The following GNAO1 variants were observed in gnomAD, a reference collection of about 807,000 sequenced individuals.
GNAO1 encodes the protein guanine nucleotide-binding protein G(o) subunit alpha.
For missense variants in GNAO1, 166 were observed against 478.7 expected (o/e 0.35, Z 6.10); for synonymous variants, 164 against 180.7 (o/e 0.91, Z 0.74).
chr16:56,299,736 C>A (rs1301625301), intron 3 of GNAO1, among the ~76,000 whole-genome samples: 1 of 152,168 alleles, frequency 6.6e-6, no homozygotes, highest in Non-Finnish European at 1.5e-5. Flanking sequence ...GGGGAACTAG[C>A]AGAGTAGCCA....
intron 4 of GNAO1, among the ~76,000 whole-genome samples, chr16:56,332,063 C>A (rs1295999487): frequency 2.6e-5 from 4 of 152,230 alleles, no homozygotes; most frequent in African/African-American, 9.6e-5. Flanking sequence ...ACACCCTCCA[C>A]AGCCACCCCC....
At chr16:56,268,839 T>C (rs1447591082) in intron 2 of GNAO1, among the ~76,000 whole-genome samples, 3 of 152,192 alleles carry the variant, frequency 2.0e-5, no homozygotes, top group African/African-American at 7.2e-5. Context: ...CAGATCCTGG[T>C]CTCGTAGGTT....
At chr16:56,229,089 G>T (rs2036562462) in intron 2 of GNAO1, among the ~76,000 whole-genome samples, 1 of 152,192 alleles carries the variant, frequency 6.6e-6, no homozygotes, top group African/African-American at 2.4e-5. Context: ...CTTTTGTAAT[G>T]GAGGAGAAAT....
rs1245702444 is a variant in GNAO1, at chr16:56,208,462, C to CGT, written c.161+15859_161+15860dup. The stretch of plus-strand genomic sequence containing the variant: ...GTGTGTGTGTGTGCGCGCGCGCGCA[C>CGT]GTGTGTGTGTGTGTATTCTGGGGCA... On this transcript the variant is annotated intron_variant, in intron 2 of 8. Coordinates refer to ENST00000262493, the MANE Select transcript of GNAO1 (RefSeq NM_020988.3). 2.3e-3 allele frequency among the ~76,000 whole-genome samples: 265 copies of CGT among 115,606 alleles called. 1 individual carries two copies. Among genetic ancestry groups the CGT allele is most frequent in the African/African-American group, 9.1e-3 (244 of 26,814 alleles). The allele number at this position is 115,606 out of a possible 152,430, so 75.8% of individuals were successfully genotyped here.
Position 56,337,968 on chromosome 16 carries a change from C to A in GNAO1, c.723+1108C>A, listed in dbSNP as rs1321562644. The stretch of plus-strand genomic sequence containing the variant: ...CCCACCCCACGCCTCTGAAGGCTGG[C>A]ACCGAGGGTTTGAGGTTGGAGGTGG... On this transcript the variant is annotated intron_variant, in intron 6 of 8. Transcript: ENST00000262493. 5.3e-5 allele frequency among the ~76,000 whole-genome samples: 8 copies of A among 152,340 alleles called. No homozygotes were observed. The East Asian group carries it at 1.5e-3, about 29-fold the overall frequency.
intron 2 of GNAO1, among the ~76,000 whole-genome samples, chr16:56,228,494 A>C (rs1417807085): frequency 1.3e-5 from 2 of 151,846 alleles, no homozygotes; most frequent in Non-Finnish European, 2.9e-5. Flanking sequence ...ATTAAAATAC[A>C]TAAAGAAAAA....
chr16:56,235,371 GGGACTACAAGGA>G, intron 2 of GNAO1: 1 of 456,074 alleles, frequency 2.2e-6, no homozygotes, highest in Non-Finnish European at 4.4e-6. Context: ...GAATCCTGCA[GGGACTACAAGGA>G]GGTAGGTAGA....
At chr16:56,215,930 G>A (rs1337605515) in intron 2 of GNAO1, among the ~76,000 whole-genome samples, 1 of 152,210 alleles carries the variant, frequency 6.6e-6, no homozygotes, top group Non-Finnish European at 1.5e-5. Flanking sequence ...TTCCTGATGA[G>A]AAGACTGCTG....
intron 6 of GNAO1, chr16:56,343,640 C>G: frequency 1.4e-6 from 1 of 692,632 alleles, no homozygotes; most frequent in Admixed American, 2.6e-5. Flanking sequence ...ATCAGGTTTT[C>G]CCTGTGCAGT....
chr16:56,237,874 A>G (rs1166837570), intron 2 of GNAO1, among the ~76,000 whole-genome samples: 1 of 152,188 alleles, frequency 6.6e-6, no homozygotes, highest in African/African-American at 2.4e-5. Flanking sequence ...CTGGCAACGG[A>G]TAAAAGACCC....
intron 3 of GNAO1, among the ~76,000 whole-genome samples, chr16:56,280,835 C>A (rs1427944117): frequency 6.6e-6 from 1 of 152,174 alleles, no homozygotes; most frequent in East Asian, 1.9e-4. Flanking sequence ...CCTTCCAAAC[C>A]TAAGGGGTTT....
chr16:56,316,981 C>A (rs1357165192), intron 3 of GNAO1, among the ~76,000 whole-genome samples: 1 of 152,204 alleles, frequency 6.6e-6, no homozygotes, highest in Non-Finnish European at 1.5e-5. Context: ...ACTTGGGCCA[C>A]AGTCGCCTTC....
chr16:56,281,916 G>A (rs191090630), intron 3 of GNAO1, among the ~76,000 whole-genome samples: 3 of 152,368 alleles, frequency 2.0e-5, no homozygotes, highest in Admixed American at 2.0e-4. Context: ...ATAAACATAT[G>A]TAAAATATAC....
intron 3 of GNAO1, among the ~76,000 whole-genome samples, chr16:56,309,199 C>T (rs1286478372): frequency 6.6e-6 from 1 of 152,152 alleles, no homozygotes; most frequent in Non-Finnish European, 1.5e-5. Flanking sequence ...TCTACGAGGA[C>T]AGTGGCCACT....
At chr16:56,194,975 G>A (rs1218320739) in intron 2 of GNAO1, among the ~76,000 whole-genome samples, 1 of 151,774 alleles carries the variant, frequency 6.6e-6, no homozygotes, top group African/African-American at 2.4e-5. Flanking sequence ...TCTGTGTCTT[G>A]TATTTGGTTA....
chr16:56,226,251 A>G (rs1291515917), intron 2 of GNAO1: 4 of 152,274 alleles, frequency 2.6e-5, no homozygotes, highest in Non-Finnish European at 5.9e-5. Context: ...AAATTATTAG[A>G]ATCAGGCAGT....
chr16:56,340,726 A>G lies in GNAO1; in HGVS notation c.723+3866A>G, dbSNP rs1383937354. 3 of 958,886 alleles carry G rather than the reference A, an allele frequency of 3.1e-6. No homozygotes were observed. The African/African-American group carries it at 4.9e-5, about 16-fold the overall frequency. The allele number at this position is 958,886 out of a possible 1,614,324, so 59.4% of individuals were successfully genotyped here. ...TGGTCTCCGTCCCGGTGGTGCATCC[A>G]GCCACATTGGTGGACCTTCCCTTTG... On this transcript the variant is annotated intron_variant, in intron 6 of 8. Coordinates refer to ENST00000262493, the MANE Select transcript of GNAO1 (RefSeq NM_020988.3).
chr16:56,265,729 C>T (rs1204619177), intron 2 of GNAO1, among the ~76,000 whole-genome samples: 11 of 151,998 alleles, frequency 7.2e-5, no homozygotes. Context: ...TAAAAGTGAT[C>T]CACAATTAGA....
Position 56,224,245 on chromosome 16 carries a change from C to T in GNAO1, c.161+31629C>T, listed in dbSNP as rs559867959. Among the ~76,000 whole-genome samples, 8 of 152,282 alleles carry T rather than the reference C, an allele frequency of 5.3e-5. No homozygotes were observed. In the East Asian group the frequency reaches 9.7e-4, roughly 18 times the overall value. The stretch of plus-strand genomic sequence containing the variant: ...GATTCTGGCCTGGCCCCTGGTACAG[C>T]GTCAGGCAGAGGAGCTCAGTAGAAG... On this transcript the variant is annotated intron_variant, in intron 2 of 8. Coordinates refer to ENST00000262493, the MANE Select transcript of GNAO1 (RefSeq NM_020988.3).
Sources: gnomAD v4.1 joint callset for allele counts (sites outside exome capture counted in the v4.1 genomes callset) on GRCh38, gnomAD v4.1.1 for gene constraint, MANE v1.5 for transcripts, NCBI Gene and HGNC (gene_info 2026-07-23, HGNC 2026-07-21) for gene names.